FRMPD4: variants seen among roughly 807,000 people sequenced by gnomAD.
The protein encoded by FRMPD4 is FERM and PDZ domain-containing protein 4.
FRMPD4 carries 22 observed loss-of-function variants against 94.1 expected under a neutral mutation model. The ratio of observed to expected loss-of-function variants is 0.23; its 90% CI spans 0.17 to 0.33. The LOEUF (loss-of-function observed/expected upper bound fraction) is 0.33, where lower values mean the gene tolerates loss of function less well. FRMPD4 is among the 10% of genes least tolerant of loss of function. The pLI, the probability that FRMPD4 is intolerant of heterozygous loss-of-function variation, is 1.00. For missense variants in FRMPD4, 1,111 were observed against 1,339.9 expected (o/e 0.83, Z 2.67); for synonymous variants, 631 against 548.6 (o/e 1.15, Z -2.10).
chrX:12,712,577 G>A (rs1263881866), intron 14 of FRMPD4, among the ~76,000 whole-genome samples: 3 of 111,119 alleles, frequency 2.7e-5, no homozygotes, highest in African/African-American at 6.6e-5. Context: ...AAATTAGAAC[G>A]TGATAGAAAC....
At chrX:12,684,947 G>A (rs2060006044) in intron 6 of FRMPD4, among the ~76,000 whole-genome samples, 1 of 111,417 alleles carries the variant, frequency 9.0e-6, no homozygotes, top group South Asian at 3.8e-4. Context: ...TCGGTCACGT[G>A]GATGCTCCTC....
Position 12,609,704 on chromosome X carries a change from A to T in FRMPD4, c.159-17A>T. On this transcript the variant is annotated splice_polypyrimidine_tract_variant and intron_variant, in intron 2 of 16. Coordinates refer to ENST00000675598, the MANE Select transcript of FRMPD4 (RefSeq NM_001368397.1). Reference sequence around the variant, plus strand: ...TACATTGATGCCTTGTTTCTCTTGTATGTGCTTTCTCCACAGTCACATGAC... The same window carrying T: ...TACATTGATGCCTTGTTTCTCTTGTTTGTGCTTTCTCCACAGTCACATGAC... The T allele has an allele frequency of 8.4e-7, 1 of 1,193,351 alleles. No individual in the cohort carries two copies. The highest frequency in any genetic ancestry group is 1.8e-5 in the South Asian group (1 of 56,352).
rs1015582954 is a variant in FRMPD4 at position 12,440,872 on chromosome X, G to C, written c.42-57808G>C. Among the ~76,000 whole-genome samples the C allele has an allele frequency of 4.0e-5, 4 of 99,583 alleles. No homozygotes were observed. The South Asian group carries it at 1.5e-3, about 38-fold the overall frequency. The allele number at this position is 99,583 out of a possible 115,157, so 86.5% of individuals were successfully genotyped here. ...CAGGATTCTCAGTGAAGAAACCAAAGAGATAGATAGTGAAGGGCCCTACTC... is the reference window on the plus strand; with the variant it reads ...CAGGATTCTCAGTGAAGAAACCAAACAGATAGATAGTGAAGGGCCCTACTC... On this transcript the variant is annotated intron_variant, in intron 1 of 16. Coordinates refer to ENST00000675598, the MANE Select transcript of FRMPD4 (RefSeq NM_001368397.1).
chrX:11,961,154 A>G (rs2147372927), intron 3 of FRMPD4, among the ~76,000 whole-genome samples: 1 of 112,053 alleles, frequency 8.9e-6, no homozygotes, highest in African/African-American at 3.2e-5. Flanking sequence ...GTTTGGTGCC[A>G]TACTATGAAA....
intron 3 of FRMPD4, among the ~76,000 whole-genome samples, chrX:12,024,875 A>G (rs1265148196): frequency 9.0e-6 from 1 of 111,511 alleles, no homozygotes; most frequent in Non-Finnish European, 1.9e-5. Context: ...CATTCATTTT[A>G]ATTGCTCACA....
At chrX:12,589,415 G>A (rs1293725407) in intron 2 of FRMPD4, among the ~76,000 whole-genome samples, 2 of 111,910 alleles carry the variant, frequency 1.8e-5, no homozygotes, top group African/African-American at 6.5e-5. Context: ...AACAATCTCA[G>A]ATTTTAATAT....
chrX:12,534,904 G>A (rs5934015), intron 2 of FRMPD4, among the ~76,000 whole-genome samples: 52,690 of 110,433 alleles, frequency 0.48, 9,228 homozygotes, highest in Non-Finnish European at 0.54. Context: ...TGTTGGGAAG[G>A]CATGATTGGT....
intron 2 of FRMPD4, among the ~76,000 whole-genome samples, chrX:12,582,319 G>C (rs1022001853): frequency 1.7e-4 from 19 of 111,855 alleles, no homozygotes; most frequent in African/African-American, 6.2e-4. Context: ...TAGTCTTCCA[G>C]TTTTCTTCAG....
At chrX:12,713,633 C>A (rs886287057) in intron 14 of FRMPD4, among the ~76,000 whole-genome samples, 7 of 111,565 alleles carry the variant, frequency 6.3e-5, no homozygotes, top group African/African-American at 2.3e-4. Flanking sequence ...TCTTCAGAAA[C>A]TCCCAAAAGA....
chrX:11,989,818 A>G (rs1020649669), intron 3 of FRMPD4, among the ~76,000 whole-genome samples: 50 of 111,630 alleles, frequency 4.5e-4, no homozygotes, highest in African/African-American at 1.5e-3. Flanking sequence ...AATAATGTTG[A>G]TGAGGATGTA....
rs376345504 is a variant in FRMPD4, at chrX:11,978,146, C to A, written c.95+100128C>A. ...GACCATCCTGGCTAACACGGTGAAA[C>A]CCCATCTCTACTAAAAATACAAAAA... is the stretch of plus-strand genomic sequence containing the variant. On this transcript the variant is annotated intron_variant, in intron 3 of 18. Transcript: ENST00000640291. 2.0e-4 allele frequency among the ~76,000 whole-genome samples: 22 copies of A among 107,819 alleles called. 2 individuals carry two copies. Among genetic ancestry groups the A allele is most frequent in the Admixed American group, 1.6e-3 (16 of 9,979 alleles). 93.6% of individuals were successfully genotyped at this position (107,819 alleles called of 115,157 possible).
At chrX:11,946,477 CG>C (rs1233705888) in intron 3 of FRMPD4, among the ~76,000 whole-genome samples, 2 of 111,340 alleles carry the variant, frequency 1.8e-5, no homozygotes, top group African/African-American at 6.5e-5. Context: ...TTTTAAGAGA[CG>C]GTTTGCACTT....
chrX:12,167,100 G>C (rs994225950), intron 1 of FRMPD4, among the ~76,000 whole-genome samples: 10 of 111,280 alleles, frequency 9.0e-5, no homozygotes, highest in Middle Eastern at 4.6e-3. Flanking sequence ...GCTAGCTTTT[G>C]AATGTGTTTG....
chrX:12,602,925 G>A (rs1474913306), intron 2 of FRMPD4, among the ~76,000 whole-genome samples: 1 of 112,167 alleles, frequency 8.9e-6, no homozygotes, highest in Non-Finnish European at 1.9e-5. Flanking sequence ...CAGAGCCAAG[G>A]GGCAGAGAAA....
intron 3 of FRMPD4, among the ~76,000 whole-genome samples, chrX:12,046,563 C>A: frequency 8.9e-6 from 1 of 111,778 alleles, no homozygotes; most frequent in South Asian, 3.8e-4. Context: ...AGTTGGGGTT[C>A]CCTCAGCCCC....
At chrX:12,545,999 A>T (rs2058471320) in intron 2 of FRMPD4, among the ~76,000 whole-genome samples, 1 of 112,419 alleles carries the variant, frequency 8.9e-6, no homozygotes, top group Non-Finnish European at 1.9e-5. Flanking sequence ...GCTGGAAAGG[A>T]AAGTGACTGG....
intron 3 of FRMPD4, among the ~76,000 whole-genome samples, chrX:12,084,328 C>G (rs188408284): frequency 0.015 from 1,688 of 111,251 alleles, 24 homozygotes; most frequent in African/African-American, 0.053. Flanking sequence ...GTAAGAAGTG[C>G]CTTTTGCCTC....
rs542348036 is a variant in FRMPD4, at chrX:12,000,520, T to C, written c.95+122502T>C. On this transcript the variant is annotated intron_variant, in intron 3 of 18. Coordinates refer to the FRMPD4 transcript ENST00000640291. ...AGTTCGAAGATAGATGATTGGCTTA[T>C]AGAGAAATTGTCAAACATGAGGCTG... Among the ~76,000 whole-genome samples, 3 of 112,129 alleles carry C rather than the reference T, an allele frequency of 2.7e-5. No homozygotes were observed. In the Admixed American group the frequency reaches 2.8e-4, roughly 11 times the overall value.
intron 3 of FRMPD4, among the ~76,000 whole-genome samples, chrX:12,006,348 T>C (rs1285947357): frequency 8.9e-6 from 1 of 112,498 alleles, no homozygotes; most frequent in Non-Finnish European, 1.9e-5. Context: ...ATTTGATAGA[T>C]ATCATCTTAT....
Sources: gnomAD v4.1 joint callset for allele counts (sites outside exome capture counted in the v4.1 genomes callset) on GRCh38, gnomAD v4.1.1 for gene constraint, MANE v1.5 for transcripts, NCBI Gene and HGNC (gene_info 2026-07-23, HGNC 2026-07-21) for gene names.